The following GNAO1 variants were observed in gnomAD, a reference collection of about 807,000 sequenced individuals.
The protein encoded by GNAO1 is G protein subunit alpha o1.
For synonymous variants in GNAO1, 164 were observed against 180.7 expected (o/e 0.91, Z 0.74); for missense variants, 166 against 478.7 (o/e 0.35, Z 6.10).
chr16:56,296,442 G>A (rs1464997146), intron 3 of GNAO1, among the ~76,000 whole-genome samples: 1 of 152,168 alleles, frequency 6.6e-6, no homozygotes, highest in Non-Finnish European at 1.5e-5. Flanking sequence ...AGTTATAGTG[G>A]CCCTCAACAA....
At chr16:56,347,624 G>A (rs1389790675) in intron 6 of GNAO1, 2 of 962,058 alleles carry the variant, frequency 2.1e-6, no homozygotes, top group Non-Finnish European at 2.4e-6. Flanking sequence ...ATGAGAGAGG[G>A]GCTCCCCCTG....
intron 3 of GNAO1, among the ~76,000 whole-genome samples, 189 bp from the exon 4 acceptor site, chr16:56,328,442 G>A (rs1296640164): frequency 7.2e-5 from 11 of 152,260 alleles, no homozygotes; most frequent in East Asian, 3.9e-4. Context: ...AAGGCCCCAC[G>A]GGCCCCAGGA....
At chr16:56,241,150 C>T (rs759855437) in intron 2 of GNAO1, among the ~76,000 whole-genome samples, 1 of 152,240 alleles carries the variant, frequency 6.6e-6, no homozygotes, top group Non-Finnish European at 1.5e-5. Flanking sequence ...GGCCTTACAG[C>T]GCTCTGACGC....
chr16:56,324,804 C>A (rs1294274867), intron 3 of GNAO1, among the ~76,000 whole-genome samples: 1 of 152,246 alleles, frequency 6.6e-6, no homozygotes, highest in Admixed American at 6.5e-5. Context: ...GGGGACTTGG[C>A]CTTCCAGCCT....
At chr16:56,324,592 C>T (rs2037612389) in intron 3 of GNAO1, among the ~76,000 whole-genome samples, 1 of 152,232 alleles carries the variant, frequency 6.6e-6, no homozygotes, top group African/African-American at 2.4e-5. Flanking sequence ...GTGGAGGCGC[C>T]ACCCCTGCTC....
Position 56,347,539 on chromosome 16 carries a change from C to G in GNAO1, c.724-3845C>G, listed in dbSNP as rs1202783770. 7 of 985,516 alleles carry G rather than the reference C, an allele frequency of 7.1e-6. No homozygotes were observed. In the African/African-American group the frequency reaches 1.2e-4, roughly 17 times the overall value. The allele number at this position is 985,516 out of a possible 1,614,324, so 61.0% of individuals were successfully genotyped here. ...AGACCCCACTGCAGCCAGATGAAGG[C>G]CCCTGTCAAAGAAGGGGCAGGCTGG... On this transcript the variant is annotated intron_variant, in intron 6 of 8. Coordinates refer to ENST00000262493, the MANE Select transcript of GNAO1 (RefSeq NM_020988.3).
intron 2 of GNAO1, among the ~76,000 whole-genome samples, chr16:56,207,603 T>C (rs2036342689): frequency 6.6e-6 from 1 of 152,212 alleles, no homozygotes; most frequent in South Asian, 2.1e-4. Flanking sequence ...TTAAATACAA[T>C]TGTTGATTAT....
In GNAO1 at chr16:56,191,874, C is replaced by G; in HGVS notation, c.-362C>G. On this transcript the variant is annotated 5_prime_UTR_variant, in exon 1 of 9. Coordinates refer to ENST00000262493, the MANE Select transcript of GNAO1 (RefSeq NM_020988.3). The surrounding 1 kb of genome is among the most constrained non-coding windows in gnomAD (Gnocchi z 4.7). Reference sequence around the variant, plus strand: ...CCCTCTGTCGGCTCCGGCTGCGGCTCCAGCCTCGACTATTATTTTATTTAT... The same window carrying G: ...CCCTCTGTCGGCTCCGGCTGCGGCTGCAGCCTCGACTATTATTTTATTTAT... The G allele has an allele frequency of 4.9e-6, 1 of 204,932 alleles. No individual in the cohort carries two copies. Among genetic ancestry groups the G allele is most frequent in the East Asian group, 1.2e-4 (1 of 8,042 alleles). 12.7% of individuals were successfully genotyped at this position (204,932 alleles called of 1,614,324 possible).
rs550268446 is a variant in GNAO1, at chr16:56,334,605, G to A, written c.465-124G>A. Reference sequence around the variant, plus strand: ...CCCTATGGCCTGGAATGGAGGTGATGTCTTTTCCACAGTGACCTGGAGGGG... The same window carrying A: ...CCCTATGGCCTGGAATGGAGGTGATATCTTTTCCACAGTGACCTGGAGGGG... On this transcript the variant is annotated intron_variant, in intron 4 of 8. Coordinates refer to ENST00000262493, the MANE Select transcript of GNAO1 (RefSeq NM_020988.3). The A allele has an allele frequency of 6.9e-6, 7 of 1,010,384 alleles. No individual in the cohort carries two copies. In the South Asian group the frequency reaches 7.9e-5, roughly 11 times the overall value. 62.6% of individuals were successfully genotyped at this position (1,010,384 alleles called of 1,614,324 possible).
intron 3 of GNAO1, among the ~76,000 whole-genome samples, chr16:56,325,576 T>C (rs11647319): frequency 0.84 from 127,952 of 152,132 alleles, 54,056 homozygotes; most frequent in East Asian, 1. Flanking sequence ...TATGCGACTC[T>C]CAGACCCCAG....
At chr16:56,249,010 A>G (rs1182561634) in intron 2 of GNAO1, among the ~76,000 whole-genome samples, 1 of 152,220 alleles carries the variant, frequency 6.6e-6, no homozygotes, top group Non-Finnish European at 1.5e-5. Flanking sequence ...AAGGTGCTCT[A>G]CTAGGCCGCA....
chr16:56,227,055 G>A (rs2036538391), intron 2 of GNAO1, among the ~76,000 whole-genome samples: 1 of 152,176 alleles, frequency 6.6e-6, no homozygotes, highest in Admixed American at 6.5e-5. Context: ...TGTTTTTTAA[G>A]GGGTGTGGCG....
At chr16:56,267,167 C>T (rs1160737731) in intron 2 of GNAO1, among the ~76,000 whole-genome samples, 10 of 152,294 alleles carry the variant, frequency 6.6e-5, no homozygotes, top group South Asian at 6.2e-4. Flanking sequence ...AGGGTCCAGG[C>T]GGGGCTCTCT....
At chr16:56,195,325 T>C (rs1287937082) in intron 2 of GNAO1, among the ~76,000 whole-genome samples, 1 of 152,210 alleles carries the variant, frequency 6.6e-6, no homozygotes, top group Non-Finnish European at 1.5e-5. Context: ...CCTTCCAGCT[T>C]GGCTTGAAAT....
intron 2 of GNAO1, among the ~76,000 whole-genome samples, chr16:56,220,587 C>T (rs750265462): frequency 4.9e-4 from 74 of 152,250 alleles, no homozygotes; most frequent in South Asian, 8.3e-4. Flanking sequence ...CAAATGTTTG[C>T]GTATGGGGGT....
intron 2 of GNAO1, among the ~76,000 whole-genome samples, chr16:56,196,413 T>A (rs1052140678): frequency 6.6e-6 from 1 of 152,226 alleles, no homozygotes; most frequent in Non-Finnish European, 1.5e-5. Context: ...AGAAAATTTT[T>A]AAAGAATTGT....
At chr16:56,219,526 G>GT (rs1338829328) in intron 2 of GNAO1, among the ~76,000 whole-genome samples, 1 of 151,974 alleles carries the variant, frequency 6.6e-6, no homozygotes, top group Non-Finnish European at 1.5e-5. Flanking sequence ...TTTTAAAAGA[G>GT]TTTTTTTTCT....
At chr16:56,221,413 G>T (rs575122022) in intron 2 of GNAO1, among the ~76,000 whole-genome samples, 25 of 152,140 alleles carry the variant, frequency 1.6e-4, no homozygotes, top group Middle Eastern at 3.4e-3. Flanking sequence ...ACTTTGGGAA[G>T]CCAAAGTGGG....
chr16:56,260,845 G>A (rs1030522245), intron 2 of GNAO1, among the ~76,000 whole-genome samples: 6 of 152,118 alleles, frequency 3.9e-5, no homozygotes, highest in African/African-American at 1.2e-4. Flanking sequence ...TCTGGGCCAC[G>A]TCTACCACCA....
Sources: allele counts gnomAD v4.1 joint callset (sites outside exome capture counted in the v4.1 genomes callset), GRCh38; gene constraint gnomAD v4.1.1; non-coding constraint Gnocchi (gnomAD v3.1); transcripts MANE v1.5; gene names NCBI Gene and HGNC (gene_info 2026-07-23, HGNC 2026-07-21).